The following TNIP1 variants were observed in gnomAD, a reference collection of about 807,000 sequenced individuals.
The protein encoded by TNIP1 is TNFAIP3-interacting protein 1.
TNIP1 carries 22 observed loss-of-function variants against 86.6 expected under a neutral mutation model. The ratio of observed to expected loss-of-function variants is 0.25; its 90% CI spans 0.18 to 0.36. The LOEUF (loss-of-function observed/expected upper bound fraction) is 0.36. Among genes scored for constraint, TNIP1 ranks in the 10% least tolerant of loss-of-function variants. The pLI, the probability that TNIP1 is intolerant of heterozygous loss-of-function variation, is 1.00. For synonymous variants in TNIP1, 294 were observed against 313.0 expected (o/e 0.94, Z 0.64); for missense variants, 709 against 820.6 (o/e 0.86, Z 1.66).
intron 1 of TNIP1, among the ~76,000 whole-genome samples, chr5:151,067,198 T>A (rs879268586): frequency 6.6e-6 from 1 of 152,230 alleles, no homozygotes; most frequent in Non-Finnish European, 1.5e-5. Flanking sequence ...AAAGTGCAGA[T>A]GTTTCCACCG....
intron 1 of TNIP1, among the ~76,000 whole-genome samples, chr5:151,067,331 C>G (rs192156612): frequency 6.6e-6 from 1 of 152,250 alleles, no homozygotes; most frequent in Non-Finnish European, 1.5e-5. Flanking sequence ...ACGAGGCTTG[C>G]CACCTGGTAC....
chr5:151,035,521 C>A, intron 14 of TNIP1, 61 bp downstream of exon 14: 1 of 1,612,272 alleles, frequency 6.2e-7, no homozygotes, highest in Non-Finnish European at 8.5e-7. Context: ...GCCCTCCAAT[C>A]CATGCCCCCT....
At chr5:151,045,794 A>G in intron 9 of TNIP1, 67 bp downstream of exon 9, 4 of 1,541,618 alleles carry the variant, frequency 2.6e-6, no homozygotes, top group South Asian at 1.1e-5. Context: ...GGCCAGGGCA[A>G]GCCTTTGTGC....
At chr5:151,052,348 C>A (rs1277256266) in intron 6 of TNIP1, 89 bp from the exon 7 acceptor site, 32 of 1,097,978 alleles carry the variant, frequency 2.9e-5, no homozygotes, top group South Asian at 1.4e-5. Flanking sequence ...GGGCCTGTAG[C>A]CACCCCAGGG....
At chr5:151,039,314 T>C (rs1404440453) in intron 11 of TNIP1, 89 bp from the exon 12 acceptor site, 3 of 1,448,018 alleles carry the variant, frequency 2.1e-6, no homozygotes, top group African/African-American at 2.8e-5. Flanking sequence ...AGCCCTTACG[T>C]TCTCCCCTGG....
intron 8 of TNIP1, among the ~76,000 whole-genome samples, chr5:151,046,625 T>G (rs947681462): frequency 1.3e-5 from 2 of 151,818 alleles, no homozygotes; most frequent in African/African-American, 4.8e-5. Flanking sequence ...ATAAGGTGAG[T>G]TTGATGCATC....
At chr5:151,059,864 T>TGTGTGC (rs753009723) in intron 5 of TNIP1, among the ~76,000 whole-genome samples, 1 of 98,616 alleles carries the variant, frequency 1.0e-5, no homozygotes, top group East Asian at 2.6e-4. Context: ...TGTGTGTGTG[T>TGTGTGC]GTGCGCGCGC....
At chr5:151,043,082 A>T in intron 9 of TNIP1, 121 bp from the exon 10 acceptor site, 2 of 975,394 alleles carry the variant, frequency 2.1e-6, no homozygotes, top group South Asian at 2.7e-5. Flanking sequence ...GTGGCTACAG[A>T]CACTGTCTCC....
intron 15 of TNIP1, chr5:151,034,473 C>A: frequency 3.9e-6 from 1 of 255,518 alleles, no homozygotes; most frequent in Non-Finnish European, 7.2e-6. Context: ...AGGCTGGGCA[C>A]ATGGGCACAG....
chr5:151,059,107 A>C (rs574910014), intron 5 of TNIP1, among the ~76,000 whole-genome samples: 1 of 152,304 alleles, frequency 6.6e-6, no homozygotes, highest in South Asian at 2.1e-4. Context: ...CCAGACTACA[A>C]GCTTCAGAGC....
chr5:151,034,684 C>T (rs1327321081), intron 15 of TNIP1: 4 of 390,140 alleles, frequency 1.0e-5, no homozygotes, highest in South Asian at 4.4e-5. Flanking sequence ...AAGGCTGGTA[C>T]ATGGGCACGG....
intron 1 of TNIP1, among the ~76,000 whole-genome samples, chr5:151,073,127 T>G (rs948877699): frequency 2.7e-5 from 4 of 149,000 alleles, no homozygotes; most frequent in African/African-American, 9.9e-5. Context: ...GAGGCTGAGG[T>G]AGGAGAATCG....
Position 151,074,167 on chromosome 5 carries a change from C to T in TNIP1, c.-37+6713G>A, listed in dbSNP as rs114732658. On this transcript the variant is annotated intron_variant, in intron 1 of 17. Coordinates refer to ENST00000521591, the MANE Select transcript of TNIP1 (RefSeq NM_006058.5). ...CATTTTTTACATTATATCTTTTGTA[C>T]TGCTTGAGTTTTGGGGGGTTTTTCC... Among the ~76,000 whole-genome samples the T allele has an allele frequency of 8.6e-3, 1,307 of 152,260 alleles. 17 individuals carry two copies. Among genetic ancestry groups the T allele is most frequent in the African/African-American group, 0.03 (1,259 of 41,548 alleles).
chr5:151,080,483 T>TCCC (rs1763878921), intron 1 of TNIP1: 1 of 149,002 alleles, frequency 6.7e-6, no homozygotes, highest in South Asian at 2.1e-4. Context: ...AAATTATTAT[T>TCCC]TTCCTCCTCG....
chr5:151,067,529 A>G (rs6880110), intron 1 of TNIP1, among the ~76,000 whole-genome samples: 37,134 of 152,202 alleles, frequency 0.24, 6,717 homozygotes, highest in African/African-American at 0.52. Context: ...TGCATGACAA[A>G]GGCAGCAGTG....
intron 8 of TNIP1, 152 bp downstream of exon 8, chr5:151,049,672 G>A: frequency 1.1e-6 from 1 of 924,834 alleles, no homozygotes. Flanking sequence ...ATGGAGGTCA[G>A]GCCAAGTAAA....
intron 9 of TNIP1, 55 bp downstream of exon 9, chr5:151,045,806 G>A: frequency 6.4e-7 from 1 of 1,574,486 alleles, no homozygotes; most frequent in East Asian, 2.2e-5. Context: ...CCTTTGTGCT[G>A]CTGGTCCCGG....
rs770392543 is a variant in TNIP1 at position 151,033,610 on chromosome 5, G to A, written c.1777C>T (p.Leu593=). The A allele has an allele frequency of 7.5e-7, 1 of 1,338,176 alleles. No individual in the cohort carries two copies. The highest frequency in any genetic ancestry group is 9.8e-7 in the Non-Finnish European group (1 of 1,025,398). The allele number at this position is 1,338,176 out of a possible 1,614,324, so 82.9% of individuals were successfully genotyped here. ...PPLPNSRLFH[L]PEYTWRLPCG... is the part of the protein sequence containing the mutation. Reference sequence around the variant, plus strand: ...GCAAGGGAGGGACACAGACTCACCAGATGGAAGAGGCGCGAGTTGGGGAGT... The same window carrying A: ...GCAAGGGAGGGACACAGACTCACCAAATGGAAGAGGCGCGAGTTGGGGAGT... Residue 593 remains leucine (L), a splice_region_variant and synonymous_variant, in exon 16 of 18, where the codon CTG becomes TTG. Coordinates refer to ENST00000521591, the MANE Select transcript of TNIP1 (RefSeq NM_006058.5).
chr5:151,065,891 GT>G (rs992671267), intron 1 of TNIP1, among the ~76,000 whole-genome samples: 5 of 151,476 alleles, frequency 3.3e-5, no homozygotes, highest in African/African-American at 7.3e-5. Context: ...GAGCACCAAG[GT>G]TTTTTTTTAG....
Sources: gnomAD v4.1 joint callset for allele counts (sites outside exome capture counted in the v4.1 genomes callset) on GRCh38, gnomAD v4.1.1 for gene constraint, MANE v1.5 for transcripts, NCBI Gene and HGNC (gene_info 2026-07-23, HGNC 2026-07-21) for gene names.